CNTNAP4: variants seen among roughly 807,000 people sequenced by gnomAD.
CNTNAP4 encodes the protein contactin associated protein family member 4, also known as contactin-associated protein-like 4.
CNTNAP4 carries 98 observed loss-of-function variants against 148.4 expected under a neutral mutation model. That is an observed-to-expected ratio of 0.66 (90% CI 0.56 to 0.78). The LOEUF is 0.78. Ranked by LOEUF, CNTNAP4 falls within the 30% of genes least tolerant of loss-of-function variation. The pLI is 0.00. For missense variants in CNTNAP4, 1,935 were observed against 1,565.6 expected (o/e 1.24, Z -3.98); for synonymous variants, 730 against 565.1 (o/e 1.29, Z -4.14).
chr16:76,523,426 A>G (rs924388962), intron 17 of CNTNAP4, among the ~76,000 whole-genome samples: 2 of 151,934 alleles, frequency 1.3e-5, no homozygotes, highest in Admixed American at 6.6e-5. Context: ...TTATATCAGA[A>G]TGTTGTTCCT....
At chr16:76,544,561 T>C (rs2144326635) in intron 21 of CNTNAP4, among the ~76,000 whole-genome samples, 1 of 152,304 alleles carries the variant, frequency 6.6e-6, no homozygotes, top group African/African-American at 2.4e-5. Context: ...AGTTTAGAGC[T>C]ATAGTGGGAA....
At chr16:76,536,902 T>C (rs962724137) in intron 18 of CNTNAP4, among the ~76,000 whole-genome samples, 1 of 152,182 alleles carries the variant, frequency 6.6e-6, no homozygotes, top group Non-Finnish European at 1.5e-5. Flanking sequence ...TATTGAACCT[T>C]TTCCTGAAGG....
At chr16:76,295,313 A>G (rs935650000) in intron 1 of CNTNAP4, among the ~76,000 whole-genome samples, 10 of 152,236 alleles carry the variant, frequency 6.6e-5, no homozygotes, top group African/African-American at 2.4e-4. Flanking sequence ...AAAAATGTTC[A>G]GAAGTGGCCA....
At chr16:76,284,409 C>T (rs1307966718) in intron 1 of CNTNAP4, among the ~76,000 whole-genome samples, 1 of 151,816 alleles carries the variant, frequency 6.6e-6, no homozygotes, top group Non-Finnish European at 1.5e-5. Context: ...AGAAAAATCT[C>T]AGAAAGTGAA....
intron 2 of CNTNAP4, among the ~76,000 whole-genome samples, chr16:76,325,210 T>C (rs907758914): frequency 1.3e-5 from 2 of 152,168 alleles, no homozygotes; most frequent in African/African-American, 4.8e-5. Context: ...CTGTAGCTTA[T>C]TGAACAAGTA....
intron 3 of CNTNAP4, among the ~76,000 whole-genome samples, chr16:76,374,400 A>T (rs1367256067): frequency 6.6e-6 from 1 of 152,242 alleles, no homozygotes; most frequent in Non-Finnish European, 1.5e-5. Context: ...CTCTACCCTG[A>T]AATAATGTAA....
In CNTNAP4 at chr16:76,559,668, C is replaced by G. The variant is rs917409007; in HGVS notation, c.*985C>G. Among the ~76,000 whole-genome samples, 21 of 152,106 alleles carry G rather than the reference C, an allele frequency of 1.4e-4. 1 individual carries two copies. The highest frequency in any genetic ancestry group is 4.6e-4 in the Admixed American group (7 of 15,266). ...ATTTCTGTTTTTCTGAAGTTTATCA[C>G]AAACTTCGCCTTGATCTTCAATGAT... is the stretch of plus-strand genomic sequence containing the variant. On this transcript the variant is annotated 3_prime_UTR_variant, in exon 24 of 24. Coordinates refer to ENST00000611870, the MANE Select transcript of CNTNAP4 (RefSeq NM_033401.5).
chr16:76,482,972 T>C (rs1335846045), intron 12 of CNTNAP4, among the ~76,000 whole-genome samples: 1 of 152,086 alleles, frequency 6.6e-6, no homozygotes, highest in African/African-American at 2.4e-5. Context: ...GAGAGGACTT[T>C]ACAGAGAAAA....
chr16:76,362,084 T>C lies in CNTNAP4; in HGVS notation c.390+6573T>C, dbSNP rs960732393. Reference sequence around the variant, plus strand: ...ATATATTTTTACTATACTATTATTATATATTTAGTTTATACATACTAACGA... The same window carrying C: ...ATATATTTTTACTATACTATTATTACATATTTAGTTTATACATACTAACGA... On this transcript the variant is annotated intron_variant, in intron 3 of 23. Transcript: ENST00000611870. Among the ~76,000 whole-genome samples, 3 of 152,124 alleles carry C rather than the reference T, an allele frequency of 2.0e-5. No homozygotes were observed. The East Asian group carries it at 5.8e-4, about 29-fold the overall frequency.
chr16:76,452,682 T>A lies in CNTNAP4; in HGVS notation c.1246T>A (p.Ser416Thr). Reference sequence around the variant, plus strand: ...GCTGTTCAGTGAACTTCAGCTGATTTCAGGGGGTATCCTCCTCTTTCTGAG... The same window carrying A: ...GCTGTTCAGTGAACTTCAGCTGATTACAGGGGGTATCCTCCTCTTTCTGAG... Reference protein sequence around the residue: ...LLLFSELQLISGGILLFLSDG... With the variant: ...LLLFSELQLITGGILLFLSDG... The change falls in exon 8 of 24, where the codon TCA becomes ACA. Residue 416 changes from serine (S) to threonine (T), a missense_variant. Ser to Thr is a moderately conservative substitution (Grantham distance 58, BLOSUM62 1). Transcript: ENST00000611870. 1 of 1,613,770 alleles carries A rather than the reference T, an allele frequency of 6.2e-7. No homozygotes were observed.
At chr16:76,334,027 C>G (rs1050360765) in intron 2 of CNTNAP4, among the ~76,000 whole-genome samples, 6 of 151,524 alleles carry the variant, frequency 4.0e-5, no homozygotes, top group Non-Finnish European at 8.8e-5. Context: ...AGCATTTTTT[C>G]ATGCAGCCAT....
chr16:76,288,368 C>T (rs1335132201), intron 1 of CNTNAP4, among the ~76,000 whole-genome samples: 1 of 152,122 alleles, frequency 6.6e-6, no homozygotes, highest in African/African-American at 2.4e-5. Context: ...CAAACTAATA[C>T]ACTGCTTTTT....
At chr16:76,405,741 C>T (rs1423870339) in intron 3 of CNTNAP4, among the ~76,000 whole-genome samples, 1 of 151,942 alleles carries the variant, frequency 6.6e-6, no homozygotes, top group Admixed American at 6.6e-5. Context: ...TATGTGGACC[C>T]TCAGAGTTCA....
intron 2 of CNTNAP4, among the ~76,000 whole-genome samples, chr16:76,345,774 C>G (rs1207690420): frequency 6.6e-6 from 1 of 152,132 alleles, no homozygotes; most frequent in Non-Finnish European, 1.5e-5. Context: ...AGATTTACAC[C>G]TCAAGGGGCA....
intron 1 of CNTNAP4, among the ~76,000 whole-genome samples, chr16:76,285,987 A>G (rs1400778422): frequency 1.3e-5 from 2 of 152,082 alleles, no homozygotes; most frequent in African/African-American, 2.4e-5. Context: ...TCAAATTTCT[A>G]GGCTAATAGC....
At chr16:76,554,063 T>C (rs74585648) in intron 23 of CNTNAP4, among the ~76,000 whole-genome samples, 156 bp downstream of exon 23, 1,933 of 152,300 alleles carry the variant, frequency 0.013, 39 homozygotes, top group African/African-American at 0.045. Context: ...TTGTACTGGA[T>C]TGTCTTTAGA....
chr16:76,553,934 C>T (rs774817623), intron 23 of CNTNAP4, 27 bp downstream of exon 23: 3 of 1,384,264 alleles, frequency 2.2e-6, no homozygotes, highest in Non-Finnish European at 2.0e-6. Flanking sequence ...ATGAGCTCTT[C>T]TTTGGTTGTT....
intron 15 of CNTNAP4, among the ~76,000 whole-genome samples, chr16:76,520,317 A>C (rs1407664737): frequency 2.6e-5 from 4 of 152,284 alleles, no homozygotes; most frequent in Admixed American, 2.6e-4. Context: ...ATTTTTTCGA[A>C]AGAAAAGTTG....
chr16:76,303,341 A>T (rs1426414510), intron 1 of CNTNAP4, among the ~76,000 whole-genome samples: 2 of 152,214 alleles, frequency 1.3e-5, no homozygotes, highest in East Asian at 3.8e-4. Context: ...ATACTTTGAG[A>T]TACAAATAAC....
Sources: allele counts gnomAD v4.1 joint callset (sites outside exome capture counted in the v4.1 genomes callset), GRCh38; gene constraint gnomAD v4.1.1; transcripts MANE v1.5; gene names NCBI Gene and HGNC (gene_info 2026-07-23, HGNC 2026-07-21).